SOX5: variants seen among roughly 807,000 people sequenced by gnomAD.
SOX5 encodes SRY-box transcription factor 5, also known as transcription factor SOX-5.
A neutral mutation model predicts 92.0 loss-of-function variants in SOX5; 9 were observed. The observed-to-expected ratio is 0.10, with a 90% CI of 0.06 to 0.17. The LOEUF (loss-of-function observed/expected upper bound fraction) is 0.17, where lower values mean the gene tolerates loss of function less well. Among genes scored for constraint, SOX5 ranks in the 10% least tolerant of loss-of-function variants. SOX5 has a pLI of 1.00. For missense variants in SOX5, 642 were observed against 944.5 expected (o/e 0.68, Z 4.20); for synonymous variants, 344 against 336.3 (o/e 1.02, Z -0.25).
At chr12:24,198,876 C>T (rs912281283) in intron 4 of SOX5, among the ~76,000 whole-genome samples, 2 of 152,116 alleles carry the variant, frequency 1.3e-5, no homozygotes, top group Non-Finnish European at 2.9e-5. Flanking sequence ...ATAATAAAAA[C>T]CCTTTTATAC....
chr12:24,450,720 A>T (rs1377151638), intron 1 of SOX5, among the ~76,000 whole-genome samples: 1 of 152,136 alleles, frequency 6.6e-6, no homozygotes, highest in East Asian at 1.9e-4. Context: ...TAAACTCCTG[A>T]CGTCAAGTGA....
chr12:24,515,457 C>G (rs983870724), intron 1 of SOX5, among the ~76,000 whole-genome samples: 7 of 151,996 alleles, frequency 4.6e-5, no homozygotes, highest in African/African-American at 1.7e-4. Flanking sequence ...AAAATCATTG[C>G]CAGATGTAAC....
intron 1 of SOX5, among the ~76,000 whole-genome samples, chr12:24,450,637 G>A (rs1459728698): frequency 6.6e-6 from 1 of 152,046 alleles, no homozygotes; most frequent in East Asian, 1.9e-4. Context: ...TGGGACTACA[G>A]GCATGCACCA....
intron 1 of SOX5, among the ~76,000 whole-genome samples, chr12:23,937,282 A>C (rs1355477103): frequency 6.6e-6 from 1 of 150,934 alleles, no homozygotes; most frequent in African/African-American, 2.4e-5. Flanking sequence ...TGGTCTACAA[A>C]TGTAAAAGCA....
At chr12:23,592,309 T>C (rs1030131803) in intron 9 of SOX5, among the ~76,000 whole-genome samples, 1 of 152,232 alleles carries the variant, frequency 6.6e-6, no homozygotes, top group Non-Finnish European at 1.5e-5. Context: ...TTTAGATGTC[T>C]GATCCTCATC....
At chr12:23,823,885 C>A (rs1403689398) in intron 3 of SOX5, among the ~76,000 whole-genome samples, 1 of 152,096 alleles carries the variant, frequency 6.6e-6, no homozygotes, top group Non-Finnish European at 1.5e-5. Context: ...CTCTGATAGC[C>A]TTTCTTTCGT....
intron 4 of SOX5, among the ~76,000 whole-genome samples, chr12:24,075,721 T>A (rs1448762113): frequency 1.3e-5 from 2 of 152,238 alleles, no homozygotes; most frequent in Non-Finnish European, 2.9e-5. Context: ...GGACTCTAAC[T>A]GAGAGTAATC....
chr12:24,359,089 A>C (rs376686347), intron 2 of SOX5, among the ~76,000 whole-genome samples: 9 of 152,242 alleles, frequency 5.9e-5, no homozygotes, highest in African/African-American at 1.9e-4. Context: ...ATCAGTACAT[A>C]ATGCAGTGAC....
chr12:24,225,633 TTG>T, intron 3 of SOX5, among the ~76,000 whole-genome samples: 1 of 152,278 alleles, frequency 6.6e-6, no homozygotes, highest in South Asian at 2.1e-4. Context: ...CTGTACTTCA[TTG>T]TCATTGTTGA....
chr12:24,416,305 C>T (rs1965015021), intron 1 of SOX5, among the ~76,000 whole-genome samples: 1 of 152,228 alleles, frequency 6.6e-6, no homozygotes, highest in Admixed American at 6.5e-5. Context: ...ACTGAGAGAT[C>T]TTGGACTAGC....
At chr12:24,160,253 C>A (rs1480573079) in intron 4 of SOX5, among the ~76,000 whole-genome samples, 1 of 151,824 alleles carries the variant, frequency 6.6e-6, no homozygotes, top group Non-Finnish European at 1.5e-5. Flanking sequence ...TTACAATATT[C>A]CTGAAGTCTT....
At chr12:23,767,900 C>G (rs1028686010) in intron 3 of SOX5, among the ~76,000 whole-genome samples, 1 of 151,996 alleles carries the variant, frequency 6.6e-6, no homozygotes, top group African/African-American at 2.4e-5. Context: ...TTCTCTTTCA[C>G]ACACATGTGT....
intron 1 of SOX5, among the ~76,000 whole-genome samples, chr12:24,398,097 A>G (rs923095650): frequency 4.9e-4 from 75 of 152,056 alleles, no homozygotes; most frequent in Non-Finnish European, 9.7e-4. Flanking sequence ...CGATCCGCCC[A>G]CCTCGGCCTC....
chr12:24,456,013 T>C (rs1942979107), intron 1 of SOX5, among the ~76,000 whole-genome samples: 1 of 152,156 alleles, frequency 6.6e-6, no homozygotes, highest in Non-Finnish European at 1.5e-5. Flanking sequence ...TCCCTCTGCC[T>C]GGTACTGGAG....
chr12:24,146,099 C>A (rs1453074728), intron 4 of SOX5, among the ~76,000 whole-genome samples: 1 of 152,098 alleles, frequency 6.6e-6, no homozygotes, highest in East Asian at 1.9e-4. Flanking sequence ...CAGAAAATCA[C>A]CAAGGATACA....
At chr12:23,565,330 C>T (rs949219072) in intron 10 of SOX5, among the ~76,000 whole-genome samples, 4 of 152,216 alleles carry the variant, frequency 2.6e-5, no homozygotes, top group Non-Finnish European at 2.9e-5. Flanking sequence ...CTTACATGAC[C>T]GTGATGGTCT....
At chr12:23,800,711 G>A (rs1252298369) in intron 3 of SOX5, among the ~76,000 whole-genome samples, 1 of 152,086 alleles carries the variant, frequency 6.6e-6, no homozygotes, top group Non-Finnish European at 1.5e-5. Context: ...AAAGAGCCTT[G>A]CAGCTGCTCA....
At chr12:23,756,089 T>A (rs1390453271) in intron 3 of SOX5, among the ~76,000 whole-genome samples, 1 of 151,530 alleles carries the variant, frequency 6.6e-6, no homozygotes, top group Non-Finnish European at 1.5e-5. Flanking sequence ...AAATGCGGAG[T>A]AAAAAAAGGC....
rs556722239 is a variant in SOX5, at chr12:23,561,107, T to C, written c.1488+2151A>G. Among the ~76,000 whole-genome samples the C allele has an allele frequency of 9.8e-5, 15 of 152,330 alleles. No homozygotes were observed. The South Asian group carries it at 3.1e-3, about 32-fold the overall frequency. On this transcript the variant is annotated intron_variant, in intron 11 of 14. Transcript: ENST00000451604. ...AAGAGATTCAGGAATGATGATCATCTTGAGAACAGAGACATCTTAACTGTC... is the reference window on the plus strand; with the variant it reads ...AAGAGATTCAGGAATGATGATCATCCTGAGAACAGAGACATCTTAACTGTC...
Sources: allele counts gnomAD v4.1 joint callset (sites outside exome capture counted in the v4.1 genomes callset), GRCh38; gene constraint gnomAD v4.1.1; transcripts MANE v1.5; gene names NCBI Gene and HGNC (gene_info 2026-07-23, HGNC 2026-07-21).